The following AGBL4 variants were observed in gnomAD, a reference collection of about 807,000 sequenced individuals.
The protein encoded by AGBL4 is AGBL carboxypeptidase 4.
Under a neutral mutation model 66.4 loss-of-function variants are expected in AGBL4, and 58 were observed. The ratio of observed to expected loss-of-function variants is 0.87; its 90% CI spans 0.71 to 1.09. The LOEUF (loss-of-function observed/expected upper bound fraction) is 1.09. Ranked by LOEUF, AGBL4 falls within the 50% of genes least tolerant of loss-of-function variation. The probability of loss-of-function intolerance (pLI) is 0.00; values close to 1 mark genes in which losing one functional copy is unlikely to be tolerated. For synonymous variants in AGBL4, 234 were observed against 222.9 expected (o/e 1.05, Z -0.44); for missense variants, 579 against 631.0 (o/e 0.92, Z 0.88).
At chr1:49,490,187 A>G (rs558250537) in intron 3 of AGBL4, among the ~76,000 whole-genome samples, 1 of 151,844 alleles carries the variant, frequency 6.6e-6, no homozygotes, top group Admixed American at 6.6e-5. Flanking sequence ...TCTAGTTTAG[A>G]TTAATTCTCT....
intron 5 of AGBL4, among the ~76,000 whole-genome samples, chr1:48,939,592 G>T (rs1046352788): frequency 5.8e-4 from 89 of 152,168 alleles, no homozygotes; most frequent in Non-Finnish European, 4.4e-5. Flanking sequence ...GAGGTTAAAG[G>T]CTGGACATTG....
chr1:48,577,395 T>C (rs893977942), intron 11 of AGBL4, among the ~76,000 whole-genome samples: 3 of 152,256 alleles, frequency 2.0e-5, no homozygotes, highest in Non-Finnish European at 4.4e-5. Context: ...TTGCGGGTGC[T>C]GCTAGTGAAG....
chr1:48,761,529 T>A, intron 6 of AGBL4: 1 of 1,492,254 alleles, frequency 6.7e-7, no homozygotes, highest in Non-Finnish European at 9.0e-7. Flanking sequence ...CATTATGAGT[T>A]TAGAATGCCC....
At chr1:49,626,486 C>T (rs994518123) in intron 3 of AGBL4, among the ~76,000 whole-genome samples, 1 of 152,096 alleles carries the variant, frequency 6.6e-6, no homozygotes, top group Non-Finnish European at 1.5e-5. Context: ...GAATGAATTG[C>T]TGACTCTTCC....
intron 3 of AGBL4, among the ~76,000 whole-genome samples, chr1:49,631,129 C>G (rs1645562594): frequency 6.6e-6 from 1 of 152,186 alleles, no homozygotes; most frequent in Admixed American, 6.5e-5. Flanking sequence ...GCCCAAAACT[C>G]TAAGGTGTCC....
chr1:48,608,524 C>T (rs1645186110), intron 9 of AGBL4, among the ~76,000 whole-genome samples: 1 of 151,840 alleles, frequency 6.6e-6, no homozygotes, highest in African/African-American at 2.4e-5. Flanking sequence ...CAGACAAGAA[C>T]AGCTAATGAG....
chr1:49,505,808 C>A (rs1648626745), intron 3 of AGBL4, among the ~76,000 whole-genome samples: 1 of 151,814 alleles, frequency 6.6e-6, no homozygotes, highest in Non-Finnish European at 1.5e-5. Context: ...GTTATTATTT[C>A]TTTAAATAAG....
chr1:49,052,849 A>T (rs1051689001), intron 4 of AGBL4, among the ~76,000 whole-genome samples: 14 of 152,182 alleles, frequency 9.2e-5, no homozygotes, highest in African/African-American at 1.7e-4. Context: ...GAATGAACAG[A>T]TAGGGCTACG....
chr1:48,951,693 A>G (rs1656992540), intron 5 of AGBL4, among the ~76,000 whole-genome samples: 1 of 152,180 alleles, frequency 6.6e-6, no homozygotes, highest in Non-Finnish European at 1.5e-5. Context: ...TCCTGATCTC[A>G]GACTTCCAGA....
At chr1:50,011,973 C>A (rs975632325) in intron 1 of AGBL4, among the ~76,000 whole-genome samples, 2 of 151,890 alleles carry the variant, frequency 1.3e-5, no homozygotes, top group Non-Finnish European at 2.9e-5. Flanking sequence ...TCCTGGCTAA[C>A]AAGGTGAAAC....
chr1:49,350,979 CT>C (rs2148519780), intron 3 of AGBL4, among the ~76,000 whole-genome samples: 1 of 152,334 alleles, frequency 6.6e-6, no homozygotes, highest in African/African-American at 2.4e-5. Context: ...GACTTTCCCC[CT>C]CTCACACTTT....
At chr1:49,715,964 C>T (rs1648095598) in intron 2 of AGBL4, among the ~76,000 whole-genome samples, 2 of 152,056 alleles carry the variant, frequency 1.3e-5, no homozygotes, top group African/African-American at 4.8e-5. Context: ...AATTAGATCC[C>T]ATTTGTCTAT....
At chr1:49,192,346 T>G (rs1399880388) in intron 4 of AGBL4, among the ~76,000 whole-genome samples, 1 of 152,248 alleles carries the variant, frequency 6.6e-6, no homozygotes, top group Non-Finnish European at 1.5e-5. Context: ...TTGCCCAAGC[T>G]GGAGTGCAAT....
chr1:49,224,907 G>A (rs912870864), intron 4 of AGBL4, among the ~76,000 whole-genome samples: 1 of 152,200 alleles, frequency 6.6e-6, no homozygotes. Flanking sequence ...GATACATCCA[G>A]CATCTGAAGA....
chr1:49,828,085 C>CAGAT (rs1178629470), intron 2 of AGBL4, among the ~76,000 whole-genome samples: 1 of 151,734 alleles, frequency 6.6e-6, no homozygotes, highest in Non-Finnish European at 1.5e-5. Flanking sequence ...TTCTTATGAA[C>CAGAT]AGATGCCTGT....
chr1:49,306,405 T>G (rs1197891052), intron 3 of AGBL4, among the ~76,000 whole-genome samples: 4 of 152,190 alleles, frequency 2.6e-5, no homozygotes, highest in Non-Finnish European at 5.9e-5. Context: ...CAGGTATATG[T>G]CTGTCTCTTT....
At chr1:49,942,708 A>G (rs1384567280) in intron 1 of AGBL4, among the ~76,000 whole-genome samples, 1 of 152,212 alleles carries the variant, frequency 6.6e-6, no homozygotes, top group Non-Finnish European at 1.5e-5. Context: ...ACTTAAACAT[A>G]CAATGTGAAA....
chr1:50,006,452 G>A (rs1661140091), intron 1 of AGBL4, among the ~76,000 whole-genome samples: 2 of 151,906 alleles, frequency 1.3e-5, no homozygotes, highest in Non-Finnish European at 2.9e-5. Flanking sequence ...GTACAAGAAG[G>A]TTATAGAAAA....
chr1:48,605,917 A>G (rs1312411702), intron 9 of AGBL4, among the ~76,000 whole-genome samples: 1 of 152,208 alleles, frequency 6.6e-6, no homozygotes, highest in African/African-American at 2.4e-5. Context: ...GAACAAAAAT[A>G]AAGAGTACAT....
Sources: gnomAD v4.1 joint callset for allele counts (sites outside exome capture counted in the v4.1 genomes callset) on GRCh38, gnomAD v4.1.1 for gene constraint, MANE v1.5 for transcripts, NCBI Gene and HGNC (gene_info 2026-07-23, HGNC 2026-07-21) for gene names.